SPON1: variants seen among roughly 807,000 people sequenced by gnomAD.
The protein encoded by SPON1 is spondin-1.
SPON1 carries 52 observed loss-of-function variants against 111.7 expected under a neutral mutation model. That is an observed-to-expected ratio of 0.47 (90% CI 0.37 to 0.59). The LOEUF (loss-of-function observed/expected upper bound fraction) is 0.59. SPON1 is among the 20% of genes least tolerant of loss of function. The pLI is 0.00. For synonymous variants in SPON1, 410 were observed against 395.8 expected (o/e 1.04, Z -0.43); for missense variants, 957 against 1,068.5 (o/e 0.90, Z 1.46).
chr11:14,023,479 C>T (rs1340455430), intron 2 of SPON1, among the ~76,000 whole-genome samples: 5 of 152,172 alleles, frequency 3.3e-5, no homozygotes, highest in Admixed American at 2.0e-4. Context: ...CACAAGTTCC[C>T]TCTCTTCGTG....
chr11:14,230,828 A>G (rs1353312567), intron 6 of SPON1, among the ~76,000 whole-genome samples: 1 of 151,500 alleles, frequency 6.6e-6, no homozygotes, highest in African/African-American at 2.4e-5. Context: ...TCACTCTGTC[A>G]CCCAGACTAG....
At chr11:14,104,466 C>T (rs1397994929) in intron 5 of SPON1, among the ~76,000 whole-genome samples, 1 of 151,904 alleles carries the variant, frequency 6.6e-6, no homozygotes, top group African/African-American at 2.4e-5. Flanking sequence ...TTAAGATAAA[C>T]CACAAAGATT....
At chr11:14,159,151 C>T (rs947636852) in intron 6 of SPON1, among the ~76,000 whole-genome samples, 1 of 152,016 alleles carries the variant, frequency 6.6e-6, no homozygotes, top group Admixed American at 6.6e-5. Flanking sequence ...ATTAGTAAGA[C>T]TCTAATTGAT....
chr11:14,151,518 G>A (rs1847787938), intron 6 of SPON1, among the ~76,000 whole-genome samples: 1 of 152,160 alleles, frequency 6.6e-6, no homozygotes, highest in Non-Finnish European at 1.5e-5. Flanking sequence ...CATCTACTGT[G>A]TGCAAAGCTC....
intron 1 of SPON1, among the ~76,000 whole-genome samples, chr11:13,971,873 G>A (rs1554908628): frequency 2.0e-5 from 3 of 152,168 alleles, no homozygotes; most frequent in African/African-American, 7.2e-5. Flanking sequence ...GTTTTCCTTA[G>A]GTGGCCACAA....
intron 6 of SPON1, among the ~76,000 whole-genome samples, chr11:14,176,803 G>A (rs1848181944): frequency 6.6e-6 from 1 of 152,268 alleles, no homozygotes; most frequent in African/African-American, 2.4e-5. Flanking sequence ...ATCCATAAAA[G>A]GGGTGCCACC....
At chr11:14,170,747 A>G (rs1554932362) in intron 6 of SPON1, among the ~76,000 whole-genome samples, 3 of 152,310 alleles carry the variant, frequency 2.0e-5, no homozygotes. Flanking sequence ...ATCTATTGAG[A>G]TAATCATGTG....
intron 6 of SPON1, among the ~76,000 whole-genome samples, chr11:14,186,222 T>A (rs1848284020): frequency 6.6e-6 from 1 of 152,196 alleles, no homozygotes; most frequent in Non-Finnish European, 1.5e-5. Flanking sequence ...AGTAAATGCA[T>A]CCAACACAGT....
chr11:14,260,389 A>G (rs1245556933), intron 13 of SPON1, among the ~76,000 whole-genome samples, 199 bp from the exon 14 acceptor site: 3 of 152,140 alleles, frequency 2.0e-5, no homozygotes, highest in Non-Finnish European at 2.9e-5. Context: ...AGGGAGATGA[A>G]AGAGAGTGAA....
intron 2 of SPON1, among the ~76,000 whole-genome samples, chr11:14,027,964 T>G (rs1442770460): frequency 6.6e-6 from 1 of 152,196 alleles, no homozygotes; most frequent in Non-Finnish European, 1.5e-5. Flanking sequence ...TTAAAACCTG[T>G]TTATCAGTGA....
chr11:14,202,693 A>G (rs1252079492), intron 6 of SPON1, among the ~76,000 whole-genome samples: 1 of 152,156 alleles, frequency 6.6e-6, no homozygotes, highest in East Asian at 1.9e-4. Flanking sequence ...CCGGTGTTTC[A>G]TGCTTAACCG....
At chr11:14,162,012 G>A (rs1847971166) in intron 6 of SPON1, among the ~76,000 whole-genome samples, 1 of 151,840 alleles carries the variant, frequency 6.6e-6, no homozygotes. Flanking sequence ...AAAAAAAATG[G>A]CTGGGCATGG....
intron 6 of SPON1, among the ~76,000 whole-genome samples, chr11:14,196,208 C>G (rs1848399518): frequency 1.3e-5 from 2 of 152,138 alleles, no homozygotes; most frequent in South Asian, 4.1e-4. Flanking sequence ...GGCTATAGCT[C>G]CCTTCTCCTG....
intron 6 of SPON1, among the ~76,000 whole-genome samples, chr11:14,213,415 A>G (rs1323076831): frequency 6.7e-6 from 1 of 149,998 alleles, no homozygotes; most frequent in Admixed American, 6.6e-5. Context: ...AATATGTTTA[A>G]CTCTCCTGCT....
intron 6 of SPON1, among the ~76,000 whole-genome samples, chr11:14,158,895 A>G (rs905919690): frequency 2.0e-5 from 3 of 152,096 alleles, no homozygotes; most frequent in Non-Finnish European, 4.4e-5. Flanking sequence ...CTCTAACCCA[A>G]TCTCACTTGC....
chr11:14,253,961 AAG>A (rs1179222239), intron 7 of SPON1, among the ~76,000 whole-genome samples: 3 of 152,166 alleles, frequency 2.0e-5, no homozygotes, highest in African/African-American at 4.8e-5. Context: ...GTGTGACACA[AAG>A]AGAGAGGTTG....
chr11:14,060,848 G>A (rs1320052918), intron 3 of SPON1, among the ~76,000 whole-genome samples: 2 of 152,186 alleles, frequency 1.3e-5, no homozygotes, highest in Non-Finnish European at 2.9e-5. Context: ...CCAACATCCA[G>A]TAGGTCCCAG....
intron 3 of SPON1, among the ~76,000 whole-genome samples, chr11:14,057,831 C>CAAAAAAAAAAAAA (rs782306609): frequency 6.8e-4 from 68 of 100,516 alleles, no homozygotes; most frequent in Non-Finnish European, 1.1e-3. Context: ...CTTGTCTCTA[C>CAAAAAAAAAAAAA]AAAAAAAAAA....
chr11:14,263,053 TAAAAAAAAAA>T lies in SPON1; in HGVS notation c.2260+90_2260+99del, dbSNP rs34480564. 1,324 of 952,548 alleles carry T rather than the reference TAAAAAAAAAA, an allele frequency of 1.4e-3. 7 individuals carry two copies. Among genetic ancestry groups the T allele is most frequent in the Middle Eastern group, 0.01 (28 of 2,796 alleles). 59.0% of individuals were successfully genotyped at this position (952,548 alleles called of 1,614,324 possible). A position where few individuals can be genotyped will look rare whatever the true frequency, so the allele number is the denominator to read the frequency against. On this transcript the variant is annotated intron_variant, in intron 15 of 15. Transcript: ENST00000576479. ...CACTGGGCTAAGTCTTGGACCTGTT[TAAAAAAAAAA>T]AAAAAAAAAAAGTCGGGGAGAGTCT... is the stretch of plus-strand genomic sequence containing the variant.
Sources: allele counts gnomAD v4.1 joint callset (sites outside exome capture counted in the v4.1 genomes callset), GRCh38; gene constraint gnomAD v4.1.1; transcripts MANE v1.5; gene names NCBI Gene and HGNC (gene_info 2026-07-23, HGNC 2026-07-21).